ITSN1: variants seen among roughly 807,000 people sequenced by gnomAD.
The protein encoded by ITSN1 is intersectin 1, also known as intersectin-1.
In ITSN1, 58 loss-of-function variants were observed where a neutral mutation model predicts 239.8. The ratio of observed to expected loss-of-function variants is 0.24; its 90% CI spans 0.20 to 0.30. The LOEUF (loss-of-function observed/expected upper bound fraction) is 0.30, where lower values mean the gene tolerates loss of function less well. Among genes scored for constraint, ITSN1 ranks in the 10% least tolerant of loss-of-function variants. The probability of loss-of-function intolerance (pLI) is 1.00; values close to 1 mark genes in which losing one functional copy is unlikely to be tolerated. For missense variants in ITSN1, 1,558 were observed against 2,103.3 expected, an observed-to-expected ratio of 0.74 and a Z score of 5.07; for synonymous variants, 780 against 770.8, an observed-to-expected ratio of 1.01 and a Z score of -0.20.
intron 17 of ITSN1, 84 bp downstream of exon 17, chr21:33,794,552 T>C (rs2071388558): frequency 6.6e-7 from 1 of 1,521,854 alleles, no homozygotes; most frequent in African/African-American, 1.4e-5. Flanking sequence ...AAGTAGTTAC[T>C]GCACCAGAAA....
At chr21:33,819,991 AAAAATAAAAT>A (rs1023844812) in intron 24 of ITSN1, among the ~76,000 whole-genome samples, 3 of 152,332 alleles carry the variant, frequency 2.0e-5, no homozygotes, top group Non-Finnish European at 1.5e-5. Flanking sequence ...TCCGTCTCAA[AAAAATAAAAT>A]AAAATAAAAT....
intron 1 of ITSN1, among the ~76,000 whole-genome samples, chr21:33,667,377 T>C (rs539039108): frequency 1.3e-5 from 2 of 152,232 alleles, no homozygotes; most frequent in South Asian, 4.1e-4. Flanking sequence ...TGGTAAAAAA[T>C]GTATGTGCCA....
At chr21:33,700,108 G>T (rs1336567796) in intron 1 of ITSN1, among the ~76,000 whole-genome samples, 1 of 150,854 alleles carries the variant, frequency 6.6e-6, no homozygotes, top group Non-Finnish European at 1.5e-5. Context: ...TGGAGACGGA[G>T]TCTTGTTCTC....
At chr21:33,673,433 CTG>C (rs1414281174) in intron 1 of ITSN1, among the ~76,000 whole-genome samples, 1 of 152,190 alleles carries the variant, frequency 6.6e-6, no homozygotes, top group East Asian at 1.9e-4. Context: ...TTACTTCTGA[CTG>C]TAGTAGCCAT....
chr21:33,707,374 C>T lies in ITSN1; in HGVS notation c.-32-11423C>T, dbSNP rs2092284509. 2.0e-5 allele frequency among the ~76,000 whole-genome samples: 3 copies of T among 152,154 alleles called. No homozygotes were observed. The South Asian group carries it at 6.2e-4, about 32-fold the overall frequency. The stretch of plus-strand genomic sequence containing the variant: ...CTCCTGGCCTAAAGTGATGCTCCCA[C>T]CTTGGCATCCCAAAGCACTTTACAG... On this transcript the variant is annotated intron_variant, in intron 1 of 39. Transcript: ENST00000381318.
At chr21:33,853,440 T>G (rs552462016) in intron 29 of ITSN1, among the ~76,000 whole-genome samples, 2 of 152,326 alleles carry the variant, frequency 1.3e-5, no homozygotes, top group South Asian at 4.1e-4. Context: ...CTTGGACAAA[T>G]GGCCCAAATT....
intron 1 of ITSN1, among the ~76,000 whole-genome samples, chr21:33,712,824 C>A (rs998000434): frequency 3.3e-5 from 5 of 152,234 alleles, no homozygotes; most frequent in African/African-American, 1.2e-4. Context: ...ATTATAGTTA[C>A]ATTTTGTGTT....
At chr21:33,853,241 C>T (rs2148467648) in intron 29 of ITSN1, among the ~76,000 whole-genome samples, 1 of 152,338 alleles carries the variant, frequency 6.6e-6, no homozygotes, top group Middle Eastern at 3.4e-3. Context: ...GTAGGTGGAC[C>T]TGCGAGAGGT....
chr21:33,653,798 AGGCGTGAGCCACTGCGCCC>A (rs372016070), intron 1 of ITSN1, among the ~76,000 whole-genome samples: 23 of 152,314 alleles, frequency 1.5e-4, no homozygotes, highest in Middle Eastern at 3.4e-3. Context: ...CTGGAATTAC[AGGCGTGAGCCACTGCGCCC>A]GGCCAATGTC....
At chr21:33,796,472 T>C (rs1486640258) in intron 17 of ITSN1, among the ~76,000 whole-genome samples, 1 of 152,256 alleles carries the variant, frequency 6.6e-6, no homozygotes, top group Admixed American at 6.5e-5. Context: ...AGAATAAAAG[T>C]ATAATTTGTT....
chr21:33,776,166 G>A (rs1267957685), intron 14 of ITSN1, among the ~76,000 whole-genome samples: 1 of 152,086 alleles, frequency 6.6e-6, no homozygotes, highest in Non-Finnish European at 1.5e-5. Context: ...GAGCATTTAT[G>A]TACAAGTCTT....
chr21:33,707,055 A>G (rs2092275677), intron 1 of ITSN1, among the ~76,000 whole-genome samples: 1 of 152,108 alleles, frequency 6.6e-6, no homozygotes, highest in African/African-American at 2.4e-5. Context: ...CTTAAACGAG[A>G]TATTTTTTAA....
At chr21:33,886,881 T>G (rs1985883068) in intron 39 of ITSN1, among the ~76,000 whole-genome samples, 1 of 152,232 alleles carries the variant, frequency 6.6e-6, no homozygotes, top group Admixed American at 6.5e-5. Context: ...GTGGCATTTT[T>G]GTACCACTTA....
intron 1 of ITSN1, among the ~76,000 whole-genome samples, chr21:33,661,724 C>G (rs1466371802): frequency 1.3e-5 from 2 of 152,102 alleles, no homozygotes; most frequent in Non-Finnish European, 2.9e-5. Context: ...TTCCCCCATA[C>G]TGTTCTTGTG....
chr21:33,716,553 A>C (rs1160742431), intron 1 of ITSN1: 1 of 152,112 alleles, frequency 6.6e-6, no homozygotes, highest in Non-Finnish European at 1.5e-5. Flanking sequence ...TCCCAATGAA[A>C]AGGTAACTCA....
chr21:33,833,577 C>G (rs887078572), intron 27 of ITSN1, among the ~76,000 whole-genome samples: 2 of 152,218 alleles, frequency 1.3e-5, no homozygotes, highest in African/African-American at 4.8e-5. Context: ...ATAAAAAGTA[C>G]TCAGTGAGGG....
intron 31 of ITSN1, among the ~76,000 whole-genome samples, chr21:33,862,226 C>G (rs371275594): frequency 6.8e-6 from 1 of 147,524 alleles, no homozygotes; most frequent in Non-Finnish European, 1.5e-5. Flanking sequence ...GTGGGGTGAC[C>G]AACCCAGGTT....
chr21:33,795,034 A>T (rs1416972203), intron 17 of ITSN1, among the ~76,000 whole-genome samples: 4 of 152,238 alleles, frequency 2.6e-5, no homozygotes, highest in Non-Finnish European at 5.9e-5. Context: ...AATTGTAGAA[A>T]TTTGTGTCTG....
chr21:33,831,873 C>T (rs2074311490), intron 27 of ITSN1, among the ~76,000 whole-genome samples: 1 of 152,136 alleles, frequency 6.6e-6, no homozygotes. Flanking sequence ...GCCTGGAAAT[C>T]CACTCCTTTT....
Sources: allele counts gnomAD v4.1 joint callset (sites outside exome capture counted in the v4.1 genomes callset), GRCh38; gene constraint gnomAD v4.1.1; transcripts MANE v1.5; gene names NCBI Gene and HGNC (gene_info 2026-07-23, HGNC 2026-07-21).